PRKX: variants seen among roughly 807,000 people sequenced by gnomAD.
The protein encoded by PRKX is cAMP-dependent protein kinase catalytic subunit PRKX.
A neutral mutation model predicts 22.0 loss-of-function variants in PRKX; 12 were observed. The observed-to-expected ratio is 0.54, with a 90% CI of 0.35 to 0.88. The LOEUF (loss-of-function observed/expected upper bound fraction) is 0.88. PRKX is among the 40% of genes least tolerant of loss of function. The pLI is 0.01. For synonymous variants in PRKX, 134 were observed against 137.7 expected (o/e 0.97, Z 0.19); for missense variants, 217 against 308.0 (o/e 0.70, Z 2.21).
intron 7 of PRKX, among the ~76,000 whole-genome samples, chrX:3,614,219 C>A (rs751402185): frequency 8.9e-6 from 1 of 112,300 alleles, no homozygotes; most frequent in Admixed American, 9.5e-5. Flanking sequence ...TAAGCCAGGC[C>A]GGGTGCAGCG....
intron 3 of PRKX, among the ~76,000 whole-genome samples, chrX:3,646,919 T>C (rs956171151): frequency 9.1e-6 from 1 of 110,366 alleles, no homozygotes; most frequent in Non-Finnish European, 1.9e-5. Flanking sequence ...CTCGGCACAG[T>C]AATACCCACG....
At chrX:3,643,828 T>C (rs1462963432) in intron 3 of PRKX, among the ~76,000 whole-genome samples, 3 of 111,221 alleles carry the variant, frequency 2.7e-5, no homozygotes, top group East Asian at 2.8e-4. Context: ...GTATCAAGCA[T>C]GTGCAAAGCC....
intron 3 of PRKX, among the ~76,000 whole-genome samples, chrX:3,644,491 C>T (rs1363520303): frequency 1.8e-5 from 2 of 108,228 alleles, no homozygotes; most frequent in Non-Finnish European, 3.8e-5. Context: ...AAATTGAGTT[C>T]TCCTCCCATG....
chrX:3,674,867 C>A, intron 1 of PRKX, 101 bp from the exon 2 acceptor site: 6 of 963,071 alleles, frequency 6.2e-6, no homozygotes, highest in Non-Finnish European at 8.8e-6. Flanking sequence ...GGACGGCAAA[C>A]ACAGACCCCA....
intron 4 of PRKX, among the ~76,000 whole-genome samples, chrX:3,639,582 G>A (rs1339441174): frequency 9.7e-6 from 1 of 102,803 alleles, no homozygotes; most frequent in Non-Finnish European, 2.0e-5. Context: ...GTAGGTGGGT[G>A]GATGGATGGA....
Position 3,677,265 on chromosome X carries a change from C to T in PRKX, c.167-2499G>A, listed in dbSNP as rs181863292. 5.8e-3 allele frequency among the ~76,000 whole-genome samples: 628 copies of T among 108,456 alleles called. 2 individuals are homozygous for T. Among genetic ancestry groups the T allele is most frequent in the Non-Finnish European group, 9.0e-3 (470 of 52,406 alleles). The allele number at this position is 108,456 out of a possible 115,157, so 94.2% of individuals were successfully genotyped here. A position where few individuals can be genotyped will look rare whatever the true frequency, so the allele number is the denominator to read the frequency against. On this transcript the variant is annotated intron_variant, in intron 1 of 8. Transcript: ENST00000262848. Reference sequence around the variant, plus strand: ...TTTATATATAAATAGCTCACATATACAATAGTAAAATTGTATATATGAAAA... The same window carrying T: ...TTTATATATAAATAGCTCACATATATAATAGTAAAATTGTATATATGAAAA...
chrX:3,692,529 T>TTC (rs1335255803), intron 1 of PRKX, among the ~76,000 whole-genome samples: 15 of 102,711 alleles, frequency 1.5e-4, no homozygotes, highest in African/African-American at 5.3e-4. Flanking sequence ...CAACTGAACT[T>TTC]TTTTTTTTTT....
At chrX:3,678,734 G>A (rs762281444) in intron 1 of PRKX, among the ~76,000 whole-genome samples, 1 of 111,626 alleles carries the variant, frequency 9.0e-6, no homozygotes, top group Non-Finnish European at 1.9e-5. Flanking sequence ...GAAGACAAAG[G>A]CAACATTTAA....
chrX:3,617,017 T>C (rs1420783913), intron 6 of PRKX, among the ~76,000 whole-genome samples: 1 of 111,109 alleles, frequency 9.0e-6, no homozygotes, highest in African/African-American at 3.3e-5. Flanking sequence ...CACACATAGA[T>C]TGATATATAC....
At chrX:3,680,149 T>C (rs1221601517) in intron 1 of PRKX, among the ~76,000 whole-genome samples, 1 of 109,508 alleles carries the variant, frequency 9.1e-6, no homozygotes, top group African/African-American at 3.3e-5. Context: ...TTGTTGTTGT[T>C]GTTGTTGTTG....
chrX:3,632,463 C>CCCTGTCCGAATACAT (rs373575978), intron 4 of PRKX, among the ~76,000 whole-genome samples: 2 of 110,315 alleles, frequency 1.8e-5, no homozygotes, highest in East Asian at 5.8e-4. Context: ...TGGGTGGCGA[C>CCCTGTCCGAATACAT]TCAGCTGTGT....
intron 3 of PRKX, among the ~76,000 whole-genome samples, chrX:3,652,276 G>A (rs767498006): frequency 9.0e-6 from 1 of 110,872 alleles, no homozygotes; most frequent in African/African-American, 3.3e-5. Context: ...AAATTAGCCG[G>A]GCGTGGTGGC....
At chrX:3,610,872 GT>G (rs1289244041) in intron 8 of PRKX, 1 of 111,744 alleles carries the variant, frequency 8.9e-6, no homozygotes, top group Non-Finnish European at 1.9e-5. Flanking sequence ...TTTGTAAGAT[GT>G]TATGGGCGAG....
At chrX:3,677,952 G>C (rs1453137418) in intron 1 of PRKX, among the ~76,000 whole-genome samples, 1 of 112,011 alleles carries the variant, frequency 8.9e-6, no homozygotes, top group Non-Finnish European at 1.9e-5. Context: ...TAGTTAATTT[G>C]GAAATAAAAT....
At chrX:3,705,961 G>C (rs1312464513) in intron 1 of PRKX, among the ~76,000 whole-genome samples, 1 of 105,611 alleles carries the variant, frequency 9.5e-6, no homozygotes, top group Non-Finnish European at 1.9e-5. Context: ...CAAAGTGCTG[G>C]GATTACAGGC....
At chrX:3,696,303 A>G (rs1928441232) in intron 1 of PRKX, among the ~76,000 whole-genome samples, 1 of 111,509 alleles carries the variant, frequency 9.0e-6, no homozygotes, top group East Asian at 2.8e-4. Flanking sequence ...CCAGTCTATG[A>G]TACAGACACT....
intron 6 of PRKX, among the ~76,000 whole-genome samples, chrX:3,617,698 A>G (rs1180588993): frequency 9.1e-6 from 1 of 110,470 alleles, no homozygotes; most frequent in African/African-American, 3.3e-5. Flanking sequence ...TACAGTCATG[A>G]GCCTCAAAAT....
chrX:3,636,801 A>G (rs1305421983), intron 4 of PRKX, among the ~76,000 whole-genome samples: 1 of 111,441 alleles, frequency 9.0e-6, no homozygotes, highest in African/African-American at 3.3e-5. Context: ...CAGAGGTTGC[A>G]GTGAACCAAG....
At chrX:3,669,434 T>C (rs1927805946) in intron 2 of PRKX, among the ~76,000 whole-genome samples, 1 of 112,208 alleles carries the variant, frequency 8.9e-6, no homozygotes, top group Non-Finnish European at 1.9e-5. Context: ...AACTTAGCAG[T>C]ATCTAGAGAC....
Sources: gnomAD v4.1 joint callset for allele counts (sites outside exome capture counted in the v4.1 genomes callset) on GRCh38, gnomAD v4.1.1 for gene constraint, MANE v1.5 for transcripts, NCBI Gene and HGNC (gene_info 2026-07-23, HGNC 2026-07-21) for gene names.